ASPRV1: variants seen among roughly 807,000 people sequenced by gnomAD.
ASPRV1 encodes the protein retroviral-like aspartic protease 1.
In ASPRV1, 7 loss-of-function variants were observed where a neutral mutation model predicts 11.0. That is an observed-to-expected ratio of 0.64 (90% CI 0.36 to 1.20). ASPRV1 has a LOEUF of 1.20. Among genes scored for constraint, ASPRV1 ranks in the 50% most tolerant of loss-of-function variants. The pLI is 0.02. For synonymous variants in ASPRV1, 136 were observed against 138.4 expected (o/e 0.98, Z 0.12); for missense variants, 299 against 320.0 (o/e 0.93, Z 0.50).
chr2:70,085,239 C>A, the ASPRV1 span, among the ~76,000 whole-genome samples: 1 of 152,176 alleles, frequency 6.6e-6, no homozygotes, highest in Non-Finnish European at 1.5e-5. Context: ...CCCCCAGAGG[C>A]AGGTAGGCTC....
chr2:70,073,862 G>A, the ASPRV1 span, among the ~76,000 whole-genome samples: 1 of 151,882 alleles, frequency 6.6e-6, no homozygotes, highest in African/African-American at 2.4e-5. Flanking sequence ...AGCCAGGTGC[G>A]GTGACTCACA....
At chr2:69,948,271 C>T in the ASPRV1 span, among the ~76,000 whole-genome samples, 1 of 152,108 alleles carries the variant, frequency 6.6e-6, no homozygotes, top group Non-Finnish European at 1.5e-5. Context: ...AAATTAATCG[C>T]TTGCAAATTT....
At chr2:69,942,239 A>C in the ASPRV1 span, 1 of 152,190 alleles carries the variant, frequency 6.6e-6, no homozygotes, top group African/African-American at 2.4e-5. Context: ...AGACAACCCA[A>C]AGACCCTTTT....
chr2:70,022,379 AC>A, the ASPRV1 span, among the ~76,000 whole-genome samples: 1 of 146,000 alleles, frequency 6.8e-6, no homozygotes, highest in African/African-American at 2.5e-5. Context: ...ACACACACAC[AC>A]ACACACACAC....
At chr2:69,984,693 T>C in the ASPRV1 span, among the ~76,000 whole-genome samples, 1 of 131,002 alleles carries the variant, frequency 7.6e-6, no homozygotes, top group Non-Finnish European at 1.6e-5. Flanking sequence ...CGATCTCGGC[T>C]CCCTGCAACC....
chr2:69,957,333 T>G (rs191771633), downstream of ASPRV1, among the ~76,000 whole-genome samples: 1 of 152,056 alleles, frequency 6.6e-6, no homozygotes, highest in Admixed American at 6.6e-5. Context: ...TGAAGTTAAT[T>G]GGAAAAATGC....
At chr2:70,083,481 A>G in the ASPRV1 span, 6 of 152,254 alleles carry the variant, frequency 3.9e-5, no homozygotes, top group Admixed American at 1.3e-4. Context: ...CTGTGGTTCA[A>G]CTTCCAAAGT....
At chr2:69,994,740 G>C in the ASPRV1 span, among the ~76,000 whole-genome samples, 1 of 152,168 alleles carries the variant, frequency 6.6e-6, no homozygotes, top group South Asian at 2.1e-4. Flanking sequence ...GCTTATGCCT[G>C]TAATCCCAGC....
the ASPRV1 span, chr2:69,988,624 G>A: frequency 5.5e-6 from 2 of 366,056 alleles, no homozygotes; most frequent in East Asian, 7.4e-5. Flanking sequence ...ACATGATATT[G>A]TAAATATACT....
rs139593764 is a variant in ASPRV1, at chr2:69,960,196, G to A, written c.*461C>T. On this transcript the variant is annotated 3_prime_UTR_variant, in exon 1 of 1. Transcript: ENST00000320256. The stretch of plus-strand genomic sequence containing the variant: ...AGAAAGAAAATACGATTGTACAGGT[G>A]GAAAGGCTCTTCAGGGAGGTGTCCC... 5.1e-4 allele frequency: 83 copies of A among 163,866 alleles called. No homozygotes were observed. The Middle Eastern group carries it at 0.016, about 31-fold the overall frequency. 10.2% of individuals were successfully genotyped at this position (163,866 alleles called of 1,614,324 possible).
downstream of ASPRV1, among the ~76,000 whole-genome samples, chr2:69,957,324 G>T (rs1416188319): frequency 6.6e-6 from 1 of 152,088 alleles, no homozygotes; most frequent in African/African-American, 2.4e-5. Context: ...GAGAGATGAT[G>T]AAGTTAATTG....
the ASPRV1 span, among the ~76,000 whole-genome samples, chr2:70,082,871 G>T: frequency 4.6e-5 from 7 of 152,196 alleles, no homozygotes; most frequent in Admixed American, 2.0e-4. Context: ...TCCAGCATGG[G>T]TGACAGAGCA....
the ASPRV1 span, among the ~76,000 whole-genome samples, chr2:69,980,594 T>C: frequency 6.6e-6 from 1 of 152,180 alleles, no homozygotes; most frequent in Non-Finnish European, 1.5e-5. Flanking sequence ...GAAAAAATGA[T>C]GAAATCCCAA....
the ASPRV1 span, among the ~76,000 whole-genome samples, chr2:70,008,637 GT>G: frequency 1.6e-3 from 224 of 142,978 alleles, no homozygotes; most frequent in South Asian, 2.6e-3. Context: ...GTTTTTGTGT[GT>G]TTTTTTTTTT....
chr2:69,935,388 G>C, the ASPRV1 span: 2 of 1,614,106 alleles, frequency 1.2e-6, no homozygotes, highest in Non-Finnish European at 1.7e-6. Flanking sequence ...GAAGTTGAAG[G>C]GGCTGGTGCC....
chr2:70,033,645 T>C, the ASPRV1 span, among the ~76,000 whole-genome samples: 1 of 152,178 alleles, frequency 6.6e-6, no homozygotes, highest in Non-Finnish European at 1.5e-5. Context: ...CATTCTGTAG[T>C]GGTAAAGGGA....
chr2:69,944,464 A>C, the ASPRV1 span, among the ~76,000 whole-genome samples: 1 of 152,156 alleles, frequency 6.6e-6, no homozygotes, highest in African/African-American at 2.4e-5. Context: ...GCATTATCCA[A>C]ACTTCACAGG....
At chr2:69,947,134 G>T in the ASPRV1 span, among the ~76,000 whole-genome samples, 1 of 152,168 alleles carries the variant, frequency 6.6e-6, no homozygotes, top group African/African-American at 2.4e-5. Flanking sequence ...TGCAGAGGTT[G>T]TGATGATTCT....
chr2:70,087,097 G>T, the ASPRV1 span: 1 of 150,164 alleles, frequency 6.7e-6, no homozygotes, highest in African/African-American at 2.5e-5. Flanking sequence ...TTAAACCCGC[G>T]GCGTCCCGGC....
Sources: allele counts gnomAD v4.1 joint callset (sites outside exome capture counted in the v4.1 genomes callset), GRCh38; gene constraint gnomAD v4.1.1; transcripts MANE v1.5; gene names NCBI Gene and HGNC (gene_info 2026-07-23, HGNC 2026-07-21).